LRP1B: variants seen among roughly 807,000 people sequenced by gnomAD.
LRP1B encodes the protein low-density lipoprotein receptor-related protein 1B.
Under a neutral mutation model 556.6 loss-of-function variants are expected in LRP1B, and 217 were observed. The observed-to-expected ratio is 0.39, with a 90% CI of 0.35 to 0.44. The LOEUF (loss-of-function observed/expected upper bound fraction) is 0.44, where lower values mean the gene tolerates loss of function less well. Ranked by LOEUF, LRP1B falls within the 20% of genes least tolerant of loss-of-function variation. The probability of loss-of-function intolerance (pLI) is 1.00; values close to 1 mark genes in which losing one functional copy is unlikely to be tolerated. For missense variants in LRP1B, 5,053 were observed against 5,620.8 expected (o/e 0.90, Z 3.23); for synonymous variants, 2,047 against 1,865.8 (o/e 1.10, Z -2.50).
Position 141,699,143 on chromosome 2 carries a change from A to T in LRP1B, c.205+111136T>A, listed in dbSNP as rs538175953. 9.9e-5 allele frequency among the ~76,000 whole-genome samples: 15 copies of T among 151,968 alleles called. No individual in the cohort carries two copies. In the South Asian group the frequency reaches 1.0e-3, roughly 11 times the overall value. ...TTCATAAGCACGAAGAGAGAAATTT[A>T]AAAAACCCAATATTTCCCAGCCTGG... On this transcript the variant is annotated intron_variant, in intron 2 of 90. Coordinates refer to ENST00000389484, the MANE Select transcript of LRP1B (RefSeq NM_018557.3).
chr2:141,719,073 TTGAG>T (rs1692724916), intron 2 of LRP1B, among the ~76,000 whole-genome samples: 1 of 152,148 alleles, frequency 6.6e-6, no homozygotes, highest in Non-Finnish European at 1.5e-5. Context: ...CAAGATTTTC[TTGAG>T]TTTTTATGAG....
intron 2 of LRP1B, among the ~76,000 whole-genome samples, chr2:141,639,084 G>T (rs1224828536): frequency 7.9e-6 from 1 of 126,410 alleles, no homozygotes; most frequent in East Asian, 2.2e-4. Flanking sequence ...GGCACTGGTT[G>T]TAACATCTGT....
At chr2:140,547,302 G>A (rs1196213877) in intron 43 of LRP1B, among the ~76,000 whole-genome samples, 2 of 151,824 alleles carry the variant, frequency 1.3e-5, no homozygotes, top group East Asian at 3.9e-4. Context: ...TTTGGTTGGT[G>A]GGCTATTTAT....
At chr2:142,069,993 T>G (rs895241961) in intron 1 of LRP1B, among the ~76,000 whole-genome samples, 1 of 151,766 alleles carries the variant, frequency 6.6e-6, no homozygotes, top group African/African-American at 2.4e-5. Flanking sequence ...AAGTGAGCCA[T>G]CATAATTTAA....
intron 60 of LRP1B, among the ~76,000 whole-genome samples, chr2:140,474,891 T>C (rs904409697): frequency 6.6e-6 from 1 of 151,836 alleles, no homozygotes; most frequent in Non-Finnish European, 1.5e-5. Flanking sequence ...TACTGCCCAT[T>C]TACTAGAAAA....
chr2:141,359,674 T>C (rs1167242489), intron 3 of LRP1B, among the ~76,000 whole-genome samples: 3 of 152,142 alleles, frequency 2.0e-5, no homozygotes, highest in Non-Finnish European at 4.4e-5. Context: ...GAGAATCGCT[T>C]GAACCCGGGC....
chr2:140,975,645 G>C lies in LRP1B; in HGVS notation c.2887+6515C>G, dbSNP rs148284897. Among the ~76,000 whole-genome samples the C allele has an allele frequency of 2.9e-3, 444 of 152,250 alleles. 2 individuals are homozygous for C. Among genetic ancestry groups the C allele is most frequent in the African/African-American group, 0.01 (435 of 41,546 alleles). On this transcript the variant is annotated intron_variant, in intron 18 of 90. Transcript: ENST00000389484. ...CACCAGACTCATTGTGTGGTGCAAA[G>C]ATATTATTAAGGAATGGCAAAGGAG...
chr2:140,303,500 G>C (rs1683931474), intron 83 of LRP1B, among the ~76,000 whole-genome samples: 1 of 151,910 alleles, frequency 6.6e-6, no homozygotes, highest in Non-Finnish European at 1.5e-5. Context: ...TCCTACCTCA[G>C]CCTCCCAAAG....
At chr2:141,478,690 C>T (rs1289707789) in intron 3 of LRP1B, among the ~76,000 whole-genome samples, 1 of 151,900 alleles carries the variant, frequency 6.6e-6, no homozygotes, top group Non-Finnish European at 1.5e-5. Flanking sequence ...AATACAGGCC[C>T]CTGCCACCAC....
At chr2:140,430,735 G>A (rs949027667) in intron 66 of LRP1B, among the ~76,000 whole-genome samples, 1 of 152,072 alleles carries the variant, frequency 6.6e-6, no homozygotes, top group Non-Finnish European at 1.5e-5. Flanking sequence ...TTCCATGTAG[G>A]TTACAAGCCG....
intron 77 of LRP1B, among the ~76,000 whole-genome samples, chr2:140,336,241 A>T (rs1012292177): frequency 2.6e-5 from 4 of 151,992 alleles, no homozygotes; most frequent in African/African-American, 9.7e-5. Context: ...GTTCAACATC[A>T]TGACTATGAA....
chr2:141,235,835 A>G (rs994174216), intron 5 of LRP1B, among the ~76,000 whole-genome samples: 1 of 152,192 alleles, frequency 6.6e-6, no homozygotes, highest in Non-Finnish European at 1.5e-5. Flanking sequence ...TTAAGTTAAT[A>G]TAGCTATTAA....
intron 76 of LRP1B, 108 bp downstream of exon 76, chr2:140,352,844 AT>A: frequency 3.7e-6 from 4 of 1,081,140 alleles, no homozygotes; most frequent in Non-Finnish European, 5.3e-6. Flanking sequence ...CATTAAAAGT[AT>A]TTTATCAGAA....
intron 1 of LRP1B, among the ~76,000 whole-genome samples, chr2:141,968,715 T>C (rs1701634602): frequency 6.6e-6 from 1 of 151,764 alleles, no homozygotes; most frequent in Non-Finnish European, 1.5e-5. Context: ...GAATTTCCCT[T>C]TCTGTTTTCT....
At chr2:140,318,672 C>G (rs1016548946) in intron 82 of LRP1B, among the ~76,000 whole-genome samples, 3 of 151,998 alleles carry the variant, frequency 2.0e-5, no homozygotes, top group Non-Finnish European at 4.4e-5. Context: ...GAAATGGGTA[C>G]TCTGGGTGAC....
intron 2 of LRP1B, among the ~76,000 whole-genome samples, chr2:141,578,910 T>C (rs1156661698): frequency 6.6e-6 from 1 of 152,198 alleles, no homozygotes; most frequent in Non-Finnish European, 1.5e-5. Context: ...AACTGAGTTG[T>C]AAGCAATACA....
Position 141,919,557 on chromosome 2 carries a change from T to C in LRP1B, c.83-109156A>G, listed in dbSNP as rs370564721. On this transcript the variant is annotated intron_variant, in intron 1 of 90. Coordinates refer to ENST00000389484, the MANE Select transcript of LRP1B (RefSeq NM_018557.3). ...AATTTATGTGAAACAGGTGTCAATA[T>C]GCATTTATTTTATAAAAATTTAACA... 3.3e-5 allele frequency among the ~76,000 whole-genome samples: 5 copies of C among 152,184 alleles called. No individual in the cohort carries two copies. The East Asian group carries it at 7.7e-4, about 23-fold the overall frequency.
Position 140,341,384 on chromosome 2 carries a change from A to G in LRP1B, c.11893-5546T>C, listed in dbSNP as rs1681382200. On this transcript the variant is annotated intron_variant, in intron 77 of 90. Coordinates refer to ENST00000389484, the MANE Select transcript of LRP1B (RefSeq NM_018557.3). ...CTTGTAGGCTACTTTCTAGGCATAA[A>G]ATTAACATTCTTCAGTCTTTCTTTG... Among the ~76,000 whole-genome samples, 6 of 151,482 alleles carry G rather than the reference A, an allele frequency of 4.0e-5. No individual in the cohort carries two copies. In the South Asian group the frequency reaches 1.2e-3, roughly 31 times the overall value.
chr2:141,166,460 T>C (rs10194319), intron 7 of LRP1B, among the ~76,000 whole-genome samples: 40,828 of 150,866 alleles, frequency 0.27, 6,151 homozygotes, highest in East Asian at 0.63. Context: ...TATAGGCATA[T>C]AATGCATAAC....
Sources: gnomAD v4.1 joint callset for allele counts (sites outside exome capture counted in the v4.1 genomes callset) on GRCh38, gnomAD v4.1.1 for gene constraint, MANE v1.5 for transcripts, NCBI Gene and HGNC (gene_info 2026-07-23, HGNC 2026-07-21) for gene names.